Variants in PDE7B observed in about 807,000 individuals in gnomAD.
PDE7B encodes the protein 3',5'-cyclic-AMP phosphodiesterase 7B.
In PDE7B, 29 loss-of-function variants were observed where a neutral mutation model predicts 56.2. The ratio of observed to expected loss-of-function variants is 0.52; its 90% CI spans 0.38 to 0.70. The LOEUF (loss-of-function observed/expected upper bound fraction) is 0.70, where lower values mean the gene tolerates loss of function less well. Among genes scored for constraint, PDE7B ranks in the 30% least tolerant of loss-of-function variants. PDE7B has a pLI of 0.00. For synonymous variants in PDE7B, 197 were observed against 196.9 expected (o/e 1.00, Z 0.00); for missense variants, 490 against 565.0 (o/e 0.87, Z 1.35).
chr6:135,948,449 A>G (rs1338510187), intron 2 of PDE7B, among the ~76,000 whole-genome samples: 1 of 152,006 alleles, frequency 6.6e-6, no homozygotes, highest in Non-Finnish European at 1.5e-5. Context: ...TCATATATTG[A>G]CAGTCTAGAT....
At chr6:135,996,312 G>C (rs1407817169) in intron 2 of PDE7B, among the ~76,000 whole-genome samples, 1 of 152,128 alleles carries the variant, frequency 6.6e-6, no homozygotes, top group Non-Finnish European at 1.5e-5. Flanking sequence ...ATCAAGCAAG[G>C]ATACTTGCTG....
intron 8 of PDE7B, among the ~76,000 whole-genome samples, chr6:136,159,108 T>C (rs1778661876): frequency 6.6e-6 from 1 of 152,206 alleles, no homozygotes; most frequent in Non-Finnish European, 1.5e-5. Context: ...TATAATCAGC[T>C]TTCTTAGTCA....
At chr6:135,885,929 A>G (rs1401756407) in intron 1 of PDE7B, among the ~76,000 whole-genome samples, 1 of 152,160 alleles carries the variant, frequency 6.6e-6, no homozygotes, top group Non-Finnish European at 1.5e-5. Context: ...GCACATTTTG[A>G]TCATGTGTAA....
chr6:136,142,315 A>C (rs1778339828), intron 3 of PDE7B, among the ~76,000 whole-genome samples: 1 of 152,216 alleles, frequency 6.6e-6, no homozygotes, highest in South Asian at 2.1e-4. Context: ...CTGTGGTCTG[A>C]GAGACAGTTT....
At chr6:135,995,722 C>A (rs1253648034) in intron 2 of PDE7B, among the ~76,000 whole-genome samples, 1 of 152,176 alleles carries the variant, frequency 6.6e-6, no homozygotes, top group Non-Finnish European at 1.5e-5. Flanking sequence ...GATACCAGCG[C>A]AAAGCCTTGC....
At chr6:135,998,792 C>T (rs889051102) in intron 2 of PDE7B, among the ~76,000 whole-genome samples, 1 of 149,616 alleles carries the variant, frequency 6.7e-6, no homozygotes, top group Non-Finnish European at 1.5e-5. Flanking sequence ...AAAAAAAAAA[C>T]ACTCCTTAAA....
intron 3 of PDE7B, among the ~76,000 whole-genome samples, chr6:136,123,700 C>A (rs1327072305): frequency 6.6e-6 from 1 of 152,220 alleles, no homozygotes; most frequent in African/African-American, 2.4e-5. Context: ...CTCATGACTT[C>A]TCAGAATCTT....
chr6:136,035,601 T>C (rs1277811220), intron 2 of PDE7B, among the ~76,000 whole-genome samples: 2 of 152,220 alleles, frequency 1.3e-5, no homozygotes, highest in Non-Finnish European at 2.9e-5. Flanking sequence ...TTTTTTTAAA[T>C]TGTGCAAATA....
intron 1 of PDE7B, among the ~76,000 whole-genome samples, chr6:135,853,033 C>T (rs1437494704): frequency 6.6e-6 from 1 of 152,154 alleles, no homozygotes; most frequent in East Asian, 1.9e-4. Flanking sequence ...AAAATCATTC[C>T]TATCCAAAGA....
chr6:135,938,780 A>T (rs1774461446), intron 1 of PDE7B, among the ~76,000 whole-genome samples: 1 of 152,202 alleles, frequency 6.6e-6, no homozygotes, highest in African/African-American at 2.4e-5. Flanking sequence ...GGATACGAGG[A>T]GATCTTAGCC....
intron 2 of PDE7B, among the ~76,000 whole-genome samples, chr6:136,056,228 C>T (rs1776729097): frequency 6.6e-6 from 1 of 152,188 alleles, no homozygotes; most frequent in Non-Finnish European, 1.5e-5. Flanking sequence ...TTCAGTCTTC[C>T]CCACACTAAC....
chr6:136,154,429 A>C (rs1361481657), intron 7 of PDE7B, among the ~76,000 whole-genome samples: 6 of 152,128 alleles, frequency 3.9e-5, no homozygotes, highest in African/African-American at 1.4e-4. Context: ...AAAAAAAAAA[A>C]AAAACTTCCT....
chr6:135,935,557 T>C (rs58902724), intron 1 of PDE7B, among the ~76,000 whole-genome samples: 4,142 of 152,178 alleles, frequency 0.027, 211 homozygotes, highest in African/African-American at 0.094. Flanking sequence ...GAATCTATGA[T>C]GTGATGGATA....
chr6:136,028,142 G>T (rs1033319422), intron 2 of PDE7B, among the ~76,000 whole-genome samples: 1 of 152,128 alleles, frequency 6.6e-6, no homozygotes, highest in Non-Finnish European at 1.5e-5. Flanking sequence ...ATGAATTAAT[G>T]AATGAATTAA....
intron 1 of PDE7B, among the ~76,000 whole-genome samples, chr6:135,905,061 C>G (rs568941951): frequency 8.1e-4 from 123 of 152,332 alleles, no homozygotes; most frequent in Non-Finnish European, 1.4e-3. Flanking sequence ...TTAATAACTT[C>G]TGAACAAGGG....
At chr6:136,019,641 A>T (rs925636781) in intron 2 of PDE7B, among the ~76,000 whole-genome samples, 5 of 152,210 alleles carry the variant, frequency 3.3e-5, no homozygotes, top group Non-Finnish European at 7.3e-5. Flanking sequence ...AAATCTGTGT[A>T]TAACTTTTGA....
chr6:135,959,270 A>G (rs762849486), intron 2 of PDE7B, among the ~76,000 whole-genome samples: 2 of 152,184 alleles, frequency 1.3e-5, no homozygotes, highest in African/African-American at 2.4e-5. Flanking sequence ...TCATTTTTTC[A>G]ATGATAATCA....
At chr6:136,106,377 T>G (rs1036109669) in intron 2 of PDE7B, among the ~76,000 whole-genome samples, 1 of 152,200 alleles carries the variant, frequency 6.6e-6, no homozygotes, top group African/African-American at 2.4e-5. Flanking sequence ...AAACCAGGTC[T>G]ACACACTCCC....
chr6:136,188,949 G>A (rs934010390), intron 12 of PDE7B, among the ~76,000 whole-genome samples: 1 of 152,152 alleles, frequency 6.6e-6, no homozygotes. Context: ...TGGGGTGGCA[G>A]GGACAGATCA....
Sources: gnomAD v4.1 joint callset for allele counts (sites outside exome capture counted in the v4.1 genomes callset) on GRCh38, gnomAD v4.1.1 for gene constraint, MANE v1.5 for transcripts, NCBI Gene and HGNC (gene_info 2026-07-23, HGNC 2026-07-21) for gene names.